ARHGEF28: variants seen among roughly 807,000 people sequenced by gnomAD.
ARHGEF28 encodes 190 kDa guanine nucleotide exchange factor.
A neutral mutation model predicts 206.6 loss-of-function variants in ARHGEF28; 152 were observed. That is an observed-to-expected ratio of 0.74 (90% CI 0.64 to 0.84). The LOEUF (loss-of-function observed/expected upper bound fraction) is 0.84. ARHGEF28 is among the 40% of genes least tolerant of loss of function. The pLI is 0.00. For missense variants in ARHGEF28, 2,028 were observed against 2,073.2 expected (o/e 0.98, Z 0.42); for synonymous variants, 763 against 776.4 (o/e 0.98, Z 0.29).
chr5:73,860,522 C>G (rs941853580), intron 16 of ARHGEF28, among the ~76,000 whole-genome samples: 4 of 152,100 alleles, frequency 2.6e-5, no homozygotes, highest in African/African-American at 7.2e-5. Flanking sequence ...AAGCTTCAAC[C>G]CTGGCTGCTT....
chr5:73,917,504 G>A (rs1763276877), intron 35 of ARHGEF28, among the ~76,000 whole-genome samples: 1 of 152,234 alleles, frequency 6.6e-6, no homozygotes, highest in Non-Finnish European at 1.5e-5. Flanking sequence ...AGCCAGGAGT[G>A]CTTACTGCCA....
chr5:73,940,746 G>A, intron 35 of ARHGEF28, 98 bp from the exon 36 acceptor site: 3 of 1,114,492 alleles, frequency 2.7e-6, no homozygotes, highest in Non-Finnish European at 3.5e-6. Context: ...GACTATATGG[G>A]CACTGCATTT....
At chr5:73,927,001 CCTT>C (rs1435655521) in intron 35 of ARHGEF28, among the ~76,000 whole-genome samples, 3 of 152,040 alleles carry the variant, frequency 2.0e-5, no homozygotes, top group Non-Finnish European at 4.4e-5. Flanking sequence ...TGCCATAGCT[CCTT>C]CTTAAGAGGA....
At position 73,909,870 on chromosome 5, in the gene ARHGEF28, C is replaced by G. The variant is rs752086875; in HGVS notation, c.4620C>G (p.Pro1540=). 6.6e-7 allele frequency: 1 copy of G among 1,521,182 alleles called. No homozygotes were observed. The allele number at this position is 1,521,182 out of a possible 1,614,324, so 94.2% of individuals were successfully genotyped here. The change falls in exon 34 of 36, where the codon CCC becomes CCG. Residue 1540 remains proline (P), a synonymous_variant. Coordinates refer to ENST00000513042, the MANE Select transcript of ARHGEF28 (RefSeq NM_001177693.2). ...HWKHGRQRSL[P]AVLLPGGPEV... ...AGCACGGCCGGCAGAGGAGCCTGCC[C>G]GCGGTGCTCCTTCCGGGTGGCCCCG...
At chr5:73,671,571 TGAA>T (rs1277744212) in intron 1 of ARHGEF28, among the ~76,000 whole-genome samples, 1 of 151,418 alleles carries the variant, frequency 6.6e-6, no homozygotes, top group African/African-American at 2.4e-5. Flanking sequence ...GAGATATTGA[TGAA>T]GAAGCAAGGA....
chr5:73,916,449 G>T (rs73762547), intron 35 of ARHGEF28, among the ~76,000 whole-genome samples: 3,530 of 152,234 alleles, frequency 0.023, 113 homozygotes, highest in African/African-American at 0.076. Context: ...CAGTTCTGGA[G>T]GCTAGAATTA....
At chr5:73,918,200 T>C (rs1219083088) in intron 35 of ARHGEF28, among the ~76,000 whole-genome samples, 2 of 152,238 alleles carry the variant, frequency 1.3e-5, no homozygotes, top group Non-Finnish European at 2.9e-5. Flanking sequence ...AAGGGTCCTA[T>C]AGTAAATATT....
At chr5:73,784,240 A>G (rs1434649232) in intron 7 of ARHGEF28, among the ~76,000 whole-genome samples, 1 of 152,106 alleles carries the variant, frequency 6.6e-6, no homozygotes, top group East Asian at 1.9e-4. Context: ...GTAGGGGGGA[A>G]ACTCTAAGCT....
chr5:73,668,283 T>A (rs1260298636), intron 1 of ARHGEF28, among the ~76,000 whole-genome samples: 9 of 152,212 alleles, frequency 5.9e-5, no homozygotes, highest in Non-Finnish European at 1.0e-4. Context: ...TGTAGCAGAA[T>A]AACACAGATT....
intron 2 of ARHGEF28, among the ~76,000 whole-genome samples, chr5:73,739,130 C>CTT (rs5868691): frequency 8.0e-5 from 12 of 149,698 alleles, no homozygotes; most frequent in Non-Finnish European, 1.3e-4. Context: ...AAAAGGAAAC[C>CTT]TTTTTTTTTT....
intron 2 of ARHGEF28, among the ~76,000 whole-genome samples, chr5:73,715,964 A>C (rs1181466469): frequency 6.6e-6 from 1 of 152,246 alleles, no homozygotes; most frequent in Non-Finnish European, 1.5e-5. Context: ...ACTGTCGTTC[A>C]GTTCAGCAGT....
At chr5:73,707,916 T>A (rs907227379) in intron 2 of ARHGEF28, among the ~76,000 whole-genome samples, 5 of 152,176 alleles carry the variant, frequency 3.3e-5, no homozygotes, top group Admixed American at 6.6e-5. Flanking sequence ...TGATTTTTTT[T>A]ATTCCAGTCT....
intron 33 of ARHGEF28, among the ~76,000 whole-genome samples, chr5:73,906,708 A>C (rs1762578432): frequency 6.6e-6 from 1 of 152,156 alleles, no homozygotes; most frequent in African/African-American, 2.4e-5. Flanking sequence ...AATTGTCTTC[A>C]TATGGTATGA....
chr5:73,772,523 C>T (rs191825551), intron 4 of ARHGEF28, among the ~76,000 whole-genome samples: 2 of 152,240 alleles, frequency 1.3e-5, no homozygotes, highest in East Asian at 1.9e-4. Flanking sequence ...GGACCACAGG[C>T]GAGTGCCACC....
chr5:73,885,993 A>G lies in ARHGEF28; in HGVS notation c.3199A>G (p.Thr1067Ala), dbSNP rs937273024. The G allele has an allele frequency of 3.1e-6, 5 of 1,613,756 alleles. No homozygotes were observed. The highest frequency in any genetic ancestry group is 1.3e-5 in the African/African-American group (1 of 74,916). Residue 1067 changes from threonine (T) to alanine (A), a missense_variant, in exon 25 of 36, where the codon ACG (threonine) becomes GCG (alanine). Thr to Ala is a moderately conservative substitution (Grantham distance 58, BLOSUM62 0). Around this residue, in one of 3 missense-constraint regions of ARHGEF28, gnomAD observed 223 missense variants for 289.9 expected, o/e 0.77. Transcript: ENST00000513042. ...AAATAAGATTGAAAACAAAACATACACGAAGCTCAAAAATGGACATGTGTT... is the reference window on the plus strand; with the variant it reads ...AAATAAGATTGAAAACAAAACATACGCGAAGCTCAAAAATGGACATGTGTT... Reference protein sequence around the residue: ...ILNKIENKTYTKLKNGHVFRK... With the variant: ...ILNKIENKTYAKLKNGHVFRK...
chr5:73,854,215 C>T (rs1375995278), intron 14 of ARHGEF28, among the ~76,000 whole-genome samples: 1 of 152,008 alleles, frequency 6.6e-6, no homozygotes, highest in Non-Finnish European at 1.5e-5. Flanking sequence ...TAATGCTTTG[C>T]TTTGGTCATG....
intron 4 of ARHGEF28, among the ~76,000 whole-genome samples, chr5:73,756,878 A>T (rs1342643357): frequency 6.6e-6 from 1 of 152,256 alleles, no homozygotes; most frequent in Non-Finnish European, 1.5e-5. Flanking sequence ...GTAGTTGGAC[A>T]TAAGTTAATC....
chr5:73,866,024 T>C lies in ARHGEF28; in HGVS notation c.2152+11T>C. The stretch of plus-strand genomic sequence containing the variant: ...AGACCATCCTTGGAAGTAAGTGATG[T>C]AGAAAACGACAAGAACTTTTAAAAA... On this transcript the variant is annotated intron_variant, in intron 18 of 35. Transcript: ENST00000513042. 6.3e-7 allele frequency: 1 copy of C among 1,590,738 alleles called. No homozygotes were observed.
intron 10 of ARHGEF28, among the ~76,000 whole-genome samples, chr5:73,834,542 C>CTCTGTGTGTGTG (rs1455818141): frequency 1.4e-3 from 210 of 146,322 alleles, no homozygotes; most frequent in African/African-American, 5.0e-3. Flanking sequence ...AATAATATTC[C>CTCTGTGTGTGTG]TGTGTGTGTG....
Sources: allele counts gnomAD v4.1 joint callset (sites outside exome capture counted in the v4.1 genomes callset), GRCh38; gene constraint gnomAD v4.1.1; regional missense constraint gnomAD v4.1.1; transcripts MANE v1.5; gene names NCBI Gene and HGNC (gene_info 2026-07-23, HGNC 2026-07-21).